GPHN: variants seen among roughly 807,000 people sequenced by gnomAD.
GPHN encodes the protein gephyrin.
A neutral mutation model predicts 95.5 loss-of-function variants in GPHN; 17 were observed. The observed-to-expected ratio is 0.18, with a 90% CI of 0.12 to 0.27. GPHN has a LOEUF of 0.27. GPHN is among the 10% of genes least tolerant of loss of function. The pLI is 1.00. For synonymous variants in GPHN, 320 were observed against 322.5 expected (o/e 0.99, Z 0.08); for missense variants, 660 against 978.1 (o/e 0.67, Z 4.34).
At chr14:67,729,265 T>C in the GPHN span, 1 of 1,607,854 alleles carries the variant, frequency 6.2e-7, no homozygotes, top group South Asian at 1.1e-5. Context: ...CTCCCTGCTC[T>C]GCCTGCTCTG....
chr14:66,933,156 C>G (rs1216482368), intron 8 of GPHN, among the ~76,000 whole-genome samples: 2 of 152,172 alleles, frequency 1.3e-5, no homozygotes, highest in Non-Finnish European at 2.9e-5. Flanking sequence ...CAGTTAACAA[C>G]ATATCAAAGA....
At chr14:67,724,788 T>C in the GPHN span, among the ~76,000 whole-genome samples, 791 of 152,236 alleles carry the variant, frequency 5.2e-3, 8 homozygotes, top group African/African-American at 0.017. Context: ...TCCTATTCCC[T>C]CTCTATTAAA....
At chr14:66,653,874 C>G (rs1342036941) in intron 1 of GPHN, among the ~76,000 whole-genome samples, 1 of 152,198 alleles carries the variant, frequency 6.6e-6, no homozygotes, top group African/African-American at 2.4e-5. Flanking sequence ...TACAAAACTA[C>G]TGTAACCCCC....
chr14:67,493,573 C>T, the GPHN span, among the ~76,000 whole-genome samples: 11 of 152,262 alleles, frequency 7.2e-5, 1 homozygote, highest in South Asian at 1.0e-3. Context: ...TTTCACTTTG[C>T]GACACCAAGC....
At chr14:67,696,624 G>T in the GPHN span, among the ~76,000 whole-genome samples, 1 of 152,180 alleles carries the variant, frequency 6.6e-6, no homozygotes, top group Admixed American at 6.5e-5. Context: ...GAATATCTCA[G>T]ATTGGCACAG....
the GPHN span, among the ~76,000 whole-genome samples, chr14:67,713,397 CAAAAAAAA>C: frequency 6.3e-5 from 3 of 47,630 alleles, no homozygotes; most frequent in Non-Finnish European, 8.3e-5. Context: ...AGTAAAACTC[CAAAAAAAA>C]AAAAAAAAAA....
chr14:67,316,705 G>T, the GPHN span: 1 of 663,992 alleles, frequency 1.5e-6, no homozygotes, highest in Non-Finnish European at 2.4e-6. Context: ...CTCCTGTGTT[G>T]GCAAAAGGAT....
chr14:67,651,607 T>C, the GPHN span: 6 of 1,010,562 alleles, frequency 5.9e-6, no homozygotes, highest in Non-Finnish European at 8.5e-6. Context: ...CACAGCCACT[T>C]AGCAGGAAGT....
chr14:67,379,780 A>C, the GPHN span, among the ~76,000 whole-genome samples: 8 of 140,104 alleles, frequency 5.7e-5, no homozygotes, highest in African/African-American at 8.5e-5. Flanking sequence ...TCAGCCTCCC[A>C]AATAGCTGGG....
the GPHN span, among the ~76,000 whole-genome samples, chr14:67,686,572 G>A: frequency 6.9e-6 from 1 of 144,620 alleles, no homozygotes; most frequent in Non-Finnish European, 1.5e-5. Flanking sequence ...CAGGGAGACA[G>A]AGGTTGTAGT....
chr14:66,575,100 T>A (rs1209657934), intron 1 of GPHN, among the ~76,000 whole-genome samples: 1 of 152,238 alleles, frequency 6.6e-6, no homozygotes, highest in Non-Finnish European at 1.5e-5. Context: ...GAACCTTGAC[T>A]AATACAGTGA....
the GPHN span, among the ~76,000 whole-genome samples, chr14:67,282,399 G>A: frequency 6.6e-6 from 1 of 152,100 alleles, no homozygotes; most frequent in Non-Finnish European, 1.5e-5. Flanking sequence ...TCTCTGAGAG[G>A]AAGCCTTCAG....
intron 12 of GPHN, among the ~76,000 whole-genome samples, chr14:67,090,809 G>A (rs778674436): frequency 2.6e-5 from 4 of 151,878 alleles, no homozygotes; most frequent in Non-Finnish European, 4.4e-5. Flanking sequence ...GTGTAACTTT[G>A]AGCAGCTCAC....
chr14:66,926,313 G>T (rs768517727), intron 8 of GPHN, among the ~76,000 whole-genome samples: 2 of 152,094 alleles, frequency 1.3e-5, no homozygotes, highest in Non-Finnish European at 1.5e-5. Flanking sequence ...AGAAATCTTT[G>T]CCCAGTCCAA....
In GPHN at chr14:66,758,464, C is replaced by T. The variant is rs185433706; in HGVS notation, c.144-18000C>T. Among the ~76,000 whole-genome samples the T allele has an allele frequency of 9.5e-4, 144 of 152,246 alleles. 1 individual carries two copies. In the Middle Eastern group the frequency reaches 0.017, roughly 18 times the overall value. Reference sequence around the variant, plus strand: ...AGTCAAATCTCCCTCAGAGGCTTGTCTAAGGATCCCCAGTAAAAGGGAGCC... The same window carrying T: ...AGTCAAATCTCCCTCAGAGGCTTGTTTAAGGATCCCCAGTAAAAGGGAGCC... On this transcript the variant is annotated intron_variant, in intron 2 of 22. Coordinates refer to ENST00000478722, the MANE Select transcript of GPHN (RefSeq NM_020806.5).
the GPHN span, among the ~76,000 whole-genome samples, chr14:67,640,301 A>G: frequency 6.6e-6 from 1 of 152,170 alleles, no homozygotes; most frequent in Non-Finnish European, 1.5e-5. Flanking sequence ...TAATGACCAA[A>G]AGATAAATAC....
At chr14:66,888,793 G>A (rs2064326926) in intron 5 of GPHN, among the ~76,000 whole-genome samples, 1 of 152,006 alleles carries the variant, frequency 6.6e-6, no homozygotes. Flanking sequence ...GAGATTAATG[G>A]ACTGGATAGG....
downstream of GPHN, chr14:67,181,820 C>T (rs553603149): frequency 2.0e-4 from 36 of 178,836 alleles, no homozygotes; most frequent in African/African-American, 7.1e-4. Context: ...GTGTTGGCCT[C>T]GTTATTTAAA....
At chr14:67,537,675 G>T in the GPHN span, among the ~76,000 whole-genome samples, 1 of 151,514 alleles carries the variant, frequency 6.6e-6, no homozygotes, top group African/African-American at 2.4e-5. Context: ...AAAAGAAAAA[G>T]AAAAAAAAGT....
Sources: allele counts gnomAD v4.1 joint callset (sites outside exome capture counted in the v4.1 genomes callset), GRCh38; gene constraint gnomAD v4.1.1; transcripts MANE v1.5; gene names NCBI Gene and HGNC (gene_info 2026-07-23, HGNC 2026-07-21).